LAMA3: variants seen among roughly 807,000 people sequenced by gnomAD.
The protein encoded by LAMA3 is laminin subunit alpha-3.
Under a neutral mutation model 402.0 loss-of-function variants are expected in LAMA3, and 281 were observed. The ratio of observed to expected loss-of-function variants is 0.70; its 90% confidence interval spans 0.63 to 0.77. The LOEUF (loss-of-function observed/expected upper bound fraction) is 0.77. LAMA3 is among the 30% of genes least tolerant of loss of function. The probability of loss-of-function intolerance (pLI) is 0.00; values close to 1 mark genes in which losing one functional copy is unlikely to be tolerated. For synonymous variants in LAMA3, 1,431 were observed against 1,558.4 expected (o/e 0.92, Z 1.93); for missense variants, 3,840 against 4,215.5 (o/e 0.91, Z 2.47).
intron 23 of LAMA3, among the ~76,000 whole-genome samples, chr18:23,832,904 A>ATATT (rs1291481860): frequency 6.6e-6 from 1 of 152,248 alleles, no homozygotes; most frequent in Non-Finnish European, 1.5e-5. Flanking sequence ...ATAATAATTA[A>ATATT]TATTTACATA....
intron 8 of LAMA3, 32 bp from the exon 9 acceptor site, chr18:23,773,465 C>T: frequency 1.5e-6 from 2 of 1,370,390 alleles, no homozygotes; most frequent in South Asian, 2.5e-5. Context: ...TCCCCAGAAC[C>T]CTTCCTTTAA....
At chr18:23,861,578 T>C (rs1271351938) in intron 34 of LAMA3, 68 bp from the exon 35 acceptor site, 6 of 1,564,900 alleles carry the variant, frequency 3.8e-6, no homozygotes, top group Non-Finnish European at 5.3e-6. Context: ...TAGTACATCA[T>C]GCACCCATCA....
intron 47 of LAMA3, chr18:23,899,794 C>G (rs775018447): frequency 4.0e-6 from 1 of 249,896 alleles, no homozygotes; most frequent in East Asian, 1.0e-4. Flanking sequence ...GGTCACCTCA[C>G]CACTACTGAA....
intron 49 of LAMA3, among the ~76,000 whole-genome samples, chr18:23,903,377 T>A (rs1021543586): frequency 7.2e-5 from 11 of 152,196 alleles, no homozygotes; most frequent in Non-Finnish European, 1.2e-4. Context: ...AACAAAAAAA[T>A]TATAATGCTA....
intron 19 of LAMA3, among the ~76,000 whole-genome samples, chr18:23,821,784 C>T (rs773707195): frequency 2.6e-5 from 4 of 152,228 alleles, no homozygotes; most frequent in Non-Finnish European, 4.4e-5. Context: ...TCCTTGGCCA[C>T]CGTTGGTTTC....
At chr18:23,767,362 A>T (rs1188851164) in intron 8 of LAMA3, among the ~76,000 whole-genome samples, 1 of 152,124 alleles carries the variant, frequency 6.6e-6, no homozygotes, top group Non-Finnish European at 1.5e-5. Flanking sequence ...ATAAAAAACT[A>T]TTCTAAAATT....
At chr18:23,884,693 C>A in intron 40 of LAMA3, 80 bp from the exon 41 acceptor site, 1 of 1,300,058 alleles carries the variant, frequency 7.7e-7, no homozygotes, top group Non-Finnish European at 1.1e-6. Context: ...TTAATACAAG[C>A]CAGTCCTTTG....
chr18:23,933,986 C>CT, intron 67 of LAMA3, 51 bp downstream of exon 67: 13 of 1,571,504 alleles, frequency 8.3e-6, no homozygotes, highest in Non-Finnish European at 1.1e-5. Context: ...GAGGATTCCC[C>CT]TGAGCCTGCC....
At chr18:23,941,042 TCTC>T (rs1305068636) in intron 68 of LAMA3, among the ~76,000 whole-genome samples, 1 of 151,306 alleles carries the variant, frequency 6.6e-6, no homozygotes, top group African/African-American at 2.4e-5. Context: ...TTCACACTAT[TCTC>T]CTGCCTCAGC....
At chr18:23,946,011 A>G (rs2082696596) in intron 69 of LAMA3, 133 bp from the exon 70 acceptor site, 4 of 868,628 alleles carry the variant, frequency 4.6e-6, no homozygotes, top group South Asian at 2.9e-5. Flanking sequence ...GGAGGAAAAA[A>G]TCTCTCATCT....
intron 39 of LAMA3, among the ~76,000 whole-genome samples, chr18:23,877,128 G>A (rs1404074031): frequency 6.6e-6 from 1 of 152,202 alleles, no homozygotes; most frequent in African/African-American, 2.4e-5. Flanking sequence ...GGAGAAGACA[G>A]ATGAGGGAGG....
At chr18:23,797,506 G>A (rs1202426156) in intron 12 of LAMA3, among the ~76,000 whole-genome samples, 1 of 152,196 alleles carries the variant, frequency 6.6e-6, no homozygotes, top group East Asian at 1.9e-4. Flanking sequence ...CTGAGGTCAG[G>A]AGTTCTAGAC....
intron 7 of LAMA3, 147 bp from the exon 8 acceptor site, chr18:23,763,258 G>T: frequency 1.5e-6 from 1 of 654,088 alleles, no homozygotes; most frequent in Non-Finnish European, 2.8e-6. Context: ...TTTGTGTAAA[G>T]ATCCCTAAAA....
chr18:23,827,570 G>T, intron 23 of LAMA3, 103 bp downstream of exon 23: 1 of 1,304,872 alleles, frequency 7.7e-7, no homozygotes, highest in Admixed American at 2.0e-5. Flanking sequence ...GGGGAACCTG[G>T]AAGAATTTCT....
At position 23,820,001 on chromosome 18, in the gene LAMA3, C is replaced by T. The variant is rs368919070; in HGVS notation, c.2304+4C>T. Reference sequence around the variant, plus strand: ...TGCCCAAATGACCTCAGTACAGGTACGCAACCCGAAGAGAGCAGCTTCATG... The same window carrying T: ...TGCCCAAATGACCTCAGTACAGGTATGCAACCCGAAGAGAGCAGCTTCATG... On this transcript the variant is annotated splice_donor_region_variant and intron_variant, in intron 19 of 74. Coordinates refer to ENST00000313654, the MANE Select transcript of LAMA3 (RefSeq NM_198129.4). The T allele has an allele frequency of 2.4e-5, 38 of 1,613,814 alleles. No individual in the cohort carries two copies. The highest frequency in any genetic ancestry group is 1.3e-4 in the South Asian group (12 of 91,080).
At chr18:23,942,305 G>T (rs905375566) in intron 68 of LAMA3, among the ~76,000 whole-genome samples, 12 of 152,178 alleles carry the variant, frequency 7.9e-5, no homozygotes, top group Admixed American at 7.9e-4. Context: ...AGGACAGCCT[G>T]TTGACATCTG....
intron 1 of LAMA3, among the ~76,000 whole-genome samples, chr18:23,703,217 T>C (rs2060823786): frequency 6.6e-6 from 1 of 152,180 alleles, no homozygotes; most frequent in Admixed American, 6.5e-5. Flanking sequence ...AGCGTCTGCA[T>C]TTCCAGCAAG....
chr18:23,708,995 T>A (rs868319833), intron 1 of LAMA3, among the ~76,000 whole-genome samples: 1 of 151,984 alleles, frequency 6.6e-6, no homozygotes, highest in South Asian at 2.1e-4. Context: ...CCTCAAGTGA[T>A]CCTCCTGCCT....
chr18:23,894,008 A>T (rs184899898), intron 42 of LAMA3, among the ~76,000 whole-genome samples: 4 of 152,282 alleles, frequency 2.6e-5, no homozygotes, highest in African/African-American at 9.6e-5. Flanking sequence ...GGGAGGCCAC[A>T]AAAGCAGTTC....
Sources: gnomAD v4.1 joint callset for allele counts (sites outside exome capture counted in the v4.1 genomes callset) on GRCh38, gnomAD v4.1.1 for gene constraint, MANE v1.5 for transcripts, NCBI Gene and HGNC (gene_info 2026-07-23, HGNC 2026-07-21) for gene names.